Variants in HMGB1 observed in about 807,000 individuals in gnomAD.
The protein encoded by HMGB1 is high mobility group box 1.
For missense variants in HMGB1, 79 were observed against 253.5 expected (o/e 0.31, Z 4.67); for synonymous variants, 81 against 84.0 (o/e 0.96, Z 0.19).
chr13:30,571,209 C>G (rs965590800), intron 1 of HMGB1, among the ~76,000 whole-genome samples: 1 of 149,108 alleles, frequency 6.7e-6, no homozygotes, highest in Non-Finnish European at 1.5e-5. Flanking sequence ...TTTGGTAAGA[C>G]AAGAAACAAT....
intron 1 of HMGB1, among the ~76,000 whole-genome samples, chr13:30,583,335 T>C (rs1870986727): frequency 6.6e-6 from 1 of 151,824 alleles, no homozygotes; most frequent in Admixed American, 6.6e-5. Flanking sequence ...GAGCTCAACA[T>C]CAGCTTAGAC....
At chr13:30,615,242 T>C (rs1356920789) in intron 1 of HMGB1, among the ~76,000 whole-genome samples, 1 of 152,212 alleles carries the variant, frequency 6.6e-6, no homozygotes, top group Non-Finnish European at 1.5e-5. Flanking sequence ...ATAACTAAAA[T>C]GTCTTAAGTT....
intron 1 of HMGB1, among the ~76,000 whole-genome samples, chr13:30,475,136 CTCTTTTT>C (rs1328324368): frequency 1.6e-3 from 42 of 25,712 alleles, no homozygotes; most frequent in Non-Finnish European, 1.3e-3. Context: ...CTCTCTCTCT[CTCTTTTT>C]TTTTTTTTTT....
At chr13:30,505,461 A>C (rs927733442) in intron 1 of HMGB1, among the ~76,000 whole-genome samples, 2 of 152,002 alleles carry the variant, frequency 1.3e-5, no homozygotes, top group Non-Finnish European at 2.9e-5. Context: ...TACAGGTGTA[A>C]GCCACCGCGC....
chr13:30,570,109 C>G (rs558315499), intron 1 of HMGB1, among the ~76,000 whole-genome samples: 1 of 152,088 alleles, frequency 6.6e-6, no homozygotes, highest in Non-Finnish European at 1.5e-5. Flanking sequence ...TGATGACTCA[C>G]GAGAGAGTAG....
At chr13:30,474,576 C>T (rs1887021868) in intron 1 of HMGB1, among the ~76,000 whole-genome samples, 1 of 152,128 alleles carries the variant, frequency 6.6e-6, no homozygotes, top group South Asian at 2.1e-4. Flanking sequence ...ATCTGACCCA[C>T]AGACGTTTCA....
intron 1 of HMGB1, among the ~76,000 whole-genome samples, chr13:30,531,997 G>A (rs941764770): frequency 2.0e-5 from 3 of 151,744 alleles, no homozygotes; most frequent in East Asian, 1.9e-4. Flanking sequence ...AGATAGCCAC[G>A]TTTATGGTAT....
At chr13:30,594,245 G>A (rs567409507) in intron 1 of HMGB1, among the ~76,000 whole-genome samples, 4 of 152,114 alleles carry the variant, frequency 2.6e-5, no homozygotes, top group East Asian at 1.9e-4. Flanking sequence ...TTTAGATTCC[G>A]GGGATACACG....
At chr13:30,465,193 GGCCGCCGCC>G (rs555201146) in intron 1 of HMGB1, 3 of 780,330 alleles carry the variant, frequency 3.8e-6, no homozygotes, top group African/African-American at 2.1e-5. Flanking sequence ...CCCGCCGCCC[GGCCGCCGCC>G]GCCGCCGCGA....
intron 1 of HMGB1, among the ~76,000 whole-genome samples, chr13:30,504,488 T>G (rs1887806700): frequency 6.6e-6 from 1 of 152,194 alleles, no homozygotes; most frequent in Non-Finnish European, 1.5e-5. Context: ...AGATACTTCT[T>G]TTCAAAACAT....
chr13:30,588,440 G>A (rs1022937068), intron 1 of HMGB1, among the ~76,000 whole-genome samples: 10 of 152,096 alleles, frequency 6.6e-5, no homozygotes, highest in East Asian at 3.9e-4. Context: ...GTAAAAACTC[G>A]GAGACAGGAC....
At chr13:30,464,541 C>A (rs373207251) in intron 1 of HMGB1, 2 of 984,534 alleles carry the variant, frequency 2.0e-6, no homozygotes, top group African/African-American at 1.8e-5. Flanking sequence ...GGCTCCCAGG[C>A]CCGAGGCCGC....
intron 1 of HMGB1, among the ~76,000 whole-genome samples, chr13:30,612,924 A>G (rs1188120642): frequency 1.3e-5 from 2 of 152,216 alleles, no homozygotes; most frequent in African/African-American, 4.8e-5. Context: ...GTTCCTAATT[A>G]CTGGACATTC....
At chr13:30,533,981 T>C (rs1888555567) in intron 1 of HMGB1, among the ~76,000 whole-genome samples, 2 of 151,688 alleles carry the variant, frequency 1.3e-5, no homozygotes, top group African/African-American at 2.4e-5. Flanking sequence ...TCTCCTGCCT[T>C]AGCCTCCCAA....
In HMGB1 at chr13:30,460,721, C is replaced by T. The variant is rs1323631996; in HGVS notation, c.*636G>A. 1 of 152,900 alleles carries T rather than the reference C, an allele frequency of 6.5e-6. No individual in the cohort carries two copies. Among genetic ancestry groups the T allele is most frequent in the East Asian group, 1.9e-4 (1 of 5,206 alleles). The allele number at this position is 152,900 out of a possible 1,614,324, so 9.5% of individuals were successfully genotyped here. A position where few individuals can be genotyped will look rare whatever the true frequency, so the allele number is the denominator to read the frequency against. ...CAGTTATGGATGAAAACTATCTCAA[C>T]TTAACTTTACCCCCATTATGATATG... On this transcript the variant is annotated 3_prime_UTR_variant, in exon 5 of 5. Transcript: ENST00000341423.
intron 1 of HMGB1, among the ~76,000 whole-genome samples, chr13:30,479,594 A>C (rs1887181378): frequency 6.6e-6 from 1 of 152,152 alleles, no homozygotes; most frequent in Non-Finnish European, 1.5e-5. Flanking sequence ...TTTTGTGGTT[A>C]AGAATGGAGG....
intron 1 of HMGB1, among the ~76,000 whole-genome samples, chr13:30,536,559 A>C (rs1355563368): frequency 6.6e-6 from 1 of 152,178 alleles, no homozygotes; most frequent in African/African-American, 2.4e-5. Flanking sequence ...CATGTTGGCC[A>C]GGCTGGTCTC....
At position 30,533,755 on chromosome 13, in the gene HMGB1, A is replaced by G. The variant is rs139421361; in HGVS notation, c.-14-70061T>C. ...TATAAAACTAAAACAGAAGTGTCATAAAATAATAATTCTATTAGCTAATTG... is the reference window on the plus strand; with the variant it reads ...TATAAAACTAAAACAGAAGTGTCATGAAATAATAATTCTATTAGCTAATTG... On this transcript the variant is annotated intron_variant, in intron 1 of 4. Coordinates refer to the HMGB1 transcript ENST00000405805. 1.5e-3 allele frequency among the ~76,000 whole-genome samples: 230 copies of G among 152,324 alleles called. 1 individual carries two copies. The highest frequency in any genetic ancestry group is 5.3e-3 in the African/African-American group (220 of 41,564).
At chr13:30,479,755 A>C (rs745633123) in intron 1 of HMGB1, among the ~76,000 whole-genome samples, 9 of 152,328 alleles carry the variant, frequency 5.9e-5, no homozygotes, top group Non-Finnish European at 1.3e-4. Flanking sequence ...AGTTTCAATG[A>C]GCTCATATAC....
Sources: allele counts gnomAD v4.1 joint callset (sites outside exome capture counted in the v4.1 genomes callset), GRCh38; gene constraint gnomAD v4.1.1; transcripts MANE v1.5; gene names NCBI Gene and HGNC (gene_info 2026-07-23, HGNC 2026-07-21).